CAMK1D: variants seen among roughly 807,000 people sequenced by gnomAD.
The protein encoded by CAMK1D is calcium/calmodulin-dependent protein kinase type 1D.
A neutral mutation model predicts 47.7 loss-of-function variants in CAMK1D; 9 were observed. The ratio of observed to expected loss-of-function variants is 0.19; its 90% CI spans 0.11 to 0.33. The LOEUF (loss-of-function observed/expected upper bound fraction) is 0.33, where lower values mean the gene tolerates loss of function less well. Among genes scored for constraint, CAMK1D ranks in the 10% least tolerant of loss-of-function variants. The probability of loss-of-function intolerance (pLI) is 1.00; values close to 1 mark genes in which losing one functional copy is unlikely to be tolerated. For missense variants in CAMK1D, 291 were observed against 488.7 expected, an observed-to-expected ratio of 0.60 and a Z score of 3.81; for synonymous variants, 184 against 184.9, an observed-to-expected ratio of 0.99 and a Z score of 0.04.
chr10:12,693,897 AAATATATATAT>A (rs1464312892), intron 3 of CAMK1D, among the ~76,000 whole-genome samples: 1 of 113,984 alleles, frequency 8.8e-6, no homozygotes, highest in Non-Finnish European at 1.7e-5. Flanking sequence ...TATATATATA[AAATATATATAT>A]AATATATATA....
chr10:12,635,734 G>A (rs1351937584), intron 2 of CAMK1D, among the ~76,000 whole-genome samples: 1 of 152,152 alleles, frequency 6.6e-6, no homozygotes, highest in African/African-American at 2.4e-5. Flanking sequence ...GATCTGCAGT[G>A]CGAAAAGGGG....
At chr10:12,655,154 T>C (rs1263926977) in intron 2 of CAMK1D, among the ~76,000 whole-genome samples, 11 of 152,164 alleles carry the variant, frequency 7.2e-5, no homozygotes, top group Non-Finnish European at 5.9e-5. Context: ...GGAAGCATAG[T>C]GCTGGCATCT....
chr10:12,704,064 G>A (rs1833636847), intron 3 of CAMK1D, among the ~76,000 whole-genome samples: 3 of 152,142 alleles, frequency 2.0e-5, no homozygotes, highest in Non-Finnish European at 4.4e-5. Flanking sequence ...TGAAACGTGT[G>A]TGTGTGTGTG....
intron 2 of CAMK1D, among the ~76,000 whole-genome samples, chr10:12,612,143 A>G (rs990766531): frequency 1.3e-5 from 2 of 152,218 alleles, no homozygotes; most frequent in Admixed American, 6.5e-5. Context: ...CTTAAGGGAA[A>G]GCTGCTGTGG....
At chr10:12,577,447 A>G (rs1037270465) in intron 2 of CAMK1D, among the ~76,000 whole-genome samples, 14 of 152,256 alleles carry the variant, frequency 9.2e-5, no homozygotes, top group Non-Finnish European at 4.4e-5. Context: ...ATTGCAGAGC[A>G]CATTGCTTTT....
At chr10:12,627,818 C>T (rs771919214) in intron 2 of CAMK1D, among the ~76,000 whole-genome samples, 6 of 152,130 alleles carry the variant, frequency 3.9e-5, no homozygotes, top group Non-Finnish European at 5.9e-5. Context: ...CAGTGGCTCA[C>T]GCCTGTAGTC....
rs562112122 is a variant in CAMK1D at position 12,742,701 on chromosome 10, C to T, written c.300-18247C>T. ...TATGAGCGAGTGAGGTGCCATTGAA[C>T]AGTTATTTGAGATCACATCATAGAA... On this transcript the variant is annotated intron_variant, in intron 3 of 10. Coordinates refer to ENST00000619168, the MANE Select transcript of CAMK1D (RefSeq NM_153498.4). 3.9e-5 allele frequency among the ~76,000 whole-genome samples: 6 copies of T among 152,112 alleles called. No individual in the cohort carries two copies. The South Asian group carries it at 8.3e-4, about 21-fold the overall frequency.
chr10:12,406,616 G>A (rs1336685981), intron 1 of CAMK1D, among the ~76,000 whole-genome samples: 1 of 150,680 alleles, frequency 6.6e-6, no homozygotes, highest in African/African-American at 2.4e-5. Flanking sequence ...TCAGCTGCTT[G>A]GGAGGCTGAG....
rs1414324444 is a variant in CAMK1D, at chr10:12,520,721, GC to G, written c.93-32503del. 4.5e-4 allele frequency among the ~76,000 whole-genome samples: 19 copies of G among 42,266 alleles called. 1 individual carries two copies. Among genetic ancestry groups the G allele is most frequent in the African/African-American group, 1.7e-3 (18 of 10,412 alleles). 27.7% of individuals were successfully genotyped at this position (42,266 alleles called of 152,430 possible). The stretch of plus-strand genomic sequence containing the variant: ...GCTGGCGGATCACTCGCGGTTAGGA[GC>G]TGGAGACCAGCCCGGCCAACACAGC... On this transcript the variant is annotated intron_variant, in intron 1 of 10. Coordinates refer to ENST00000619168, the MANE Select transcript of CAMK1D (RefSeq NM_153498.4).
intron 3 of CAMK1D, among the ~76,000 whole-genome samples, chr10:12,751,868 G>A (rs1017305944): frequency 4.6e-5 from 7 of 152,280 alleles, no homozygotes; most frequent in Admixed American, 2.0e-4. Flanking sequence ...CCCAGAAGCC[G>A]CTGAGACTTC....
chr10:12,717,916 A>G (rs1834220235), intron 3 of CAMK1D, among the ~76,000 whole-genome samples: 1 of 151,808 alleles, frequency 6.6e-6, no homozygotes, highest in Non-Finnish European at 1.5e-5. Context: ...AAGAAAAAAA[A>G]AAGATGCAAA....
In CAMK1D at chr10:12,562,610, G is replaced by C. The variant is rs192489472; in HGVS notation, c.224+9254G>C. Reference sequence around the variant, plus strand: ...TTCCCACCCCTCACCCCATGTTTCAGTTTAGTTCTCCTGAAAGGAACAGAT... The same window carrying C: ...TTCCCACCCCTCACCCCATGTTTCACTTTAGTTCTCCTGAAAGGAACAGAT... On this transcript the variant is annotated intron_variant, in intron 2 of 10. Transcript: ENST00000619168. 2.6e-5 allele frequency among the ~76,000 whole-genome samples: 4 copies of C among 152,250 alleles called. No individual in the cohort carries two copies. The East Asian group carries it at 7.7e-4, about 29-fold the overall frequency.
chr10:12,686,979 A>G (rs1832690604), intron 3 of CAMK1D, among the ~76,000 whole-genome samples: 1 of 152,188 alleles, frequency 6.6e-6, no homozygotes, highest in Admixed American at 6.5e-5. Context: ...AATAATTCTC[A>G]CAGCAGTGAG....
chr10:12,767,102 C>A (rs1413300502), intron 4 of CAMK1D, among the ~76,000 whole-genome samples: 1 of 152,158 alleles, frequency 6.6e-6, no homozygotes, highest in Admixed American at 6.5e-5. Context: ...AGGCCGAGGA[C>A]CACTTTTCTA....
rs1359717981 is a variant in CAMK1D, at chr10:12,466,146, C to T, written c.93-87079C>T. On this transcript the variant is annotated intron_variant, in intron 1 of 10. Coordinates refer to ENST00000619168, the MANE Select transcript of CAMK1D (RefSeq NM_153498.4). ...TAGCCTGGGCAACATAGTGAGACACCGTCTCGAAAAAAAATTTTAGGGAGA... is the reference window on the plus strand; with the variant it reads ...TAGCCTGGGCAACATAGTGAGACACTGTCTCGAAAAAAAATTTTAGGGAGA... Among the ~76,000 whole-genome samples the T allele has an allele frequency of 3.3e-5, 5 of 151,670 alleles. No homozygotes were observed. The South Asian group carries it at 6.2e-4, about 19-fold the overall frequency.
intron 1 of CAMK1D, among the ~76,000 whole-genome samples, chr10:12,443,562 G>A (rs551835637): frequency 4.3e-4 from 65 of 152,310 alleles, no homozygotes; most frequent in African/African-American, 1.5e-3. Flanking sequence ...TCTTCGGAAG[G>A]TAAAGGAATA....
At chr10:12,421,928 C>T (rs532087208) in intron 1 of CAMK1D, among the ~76,000 whole-genome samples, 11 of 150,336 alleles carry the variant, frequency 7.3e-5, no homozygotes, top group South Asian at 2.1e-4. Flanking sequence ...GCGATTATCC[C>T]GCCTCAGCCT....
chr10:12,764,687 C>G (rs986779464), intron 4 of CAMK1D, among the ~76,000 whole-genome samples: 6 of 152,166 alleles, frequency 3.9e-5, no homozygotes, highest in Non-Finnish European at 8.8e-5. Flanking sequence ...AAGGATAATC[C>G]CTAAACTTCC....
chr10:12,760,991 T>C lies in CAMK1D; in HGVS notation c.343T>C (p.Phe115Leu). Reference protein sequence around the residue: ...ELFDRIVEKGFYTEKDASTLI... With the variant: ...ELFDRIVEKGLYTEKDASTLI... ...GTTTGACCGGATAGTGGAGAAGGGG[T>C]TTTATACAGAGAAGGATGCCAGCAC... Residue 115 changes from phenylalanine to leucine, a missense_variant, in exon 4 of 11, where the codon TTT becomes CTT. By Grantham distance (22) the Phe-to-Leu change is conservative. Transcript: ENST00000619168. The C allele has an allele frequency of 6.2e-7, 1 of 1,613,440 alleles. No homozygotes were observed.
Sources: gnomAD v4.1 joint callset for allele counts (sites outside exome capture counted in the v4.1 genomes callset) on GRCh38, gnomAD v4.1.1 for gene constraint, MANE v1.5 for transcripts, NCBI Gene and HGNC (gene_info 2026-07-23, HGNC 2026-07-21) for gene names.